Variants in PCDHGC5 observed in about 807,000 individuals in gnomAD.
PCDHGC5 encodes protocadherin gamma subfamily C, 5.
PCDHGC5 carries 25 observed loss-of-function variants against 59.0 expected under a neutral mutation model. The ratio of observed to expected loss-of-function variants is 0.42; its 90% confidence interval spans 0.31 to 0.59. The LOEUF (loss-of-function observed/expected upper bound fraction) is 0.59, where lower values mean the gene tolerates loss of function less well. Among genes scored for constraint, PCDHGC5 ranks in the 20% least tolerant of loss-of-function variants. The pLI, the probability that PCDHGC5 is intolerant of heterozygous loss-of-function variation, is 0.13. For synonymous variants in PCDHGC5, 434 were observed against 505.5 expected, an observed-to-expected ratio of 0.86 and a Z score of 1.90; for missense variants, 1,067 against 1,206.4, an observed-to-expected ratio of 0.88 and a Z score of 1.71.
chr5:141,496,795 T>C (rs886559302), intron 2 of PCDHGC5, among the ~76,000 whole-genome samples: 27 of 151,976 alleles, frequency 1.8e-4, no homozygotes, highest in Middle Eastern at 3.4e-3. Flanking sequence ...GTGCTAAACA[T>C]TGGGCTATAG....
chr5:141,510,526 A>T (rs1164238062), intron 3 of PCDHGC5, among the ~76,000 whole-genome samples: 1 of 152,156 alleles, frequency 6.6e-6, no homozygotes, highest in East Asian at 1.9e-4. Flanking sequence ...CAGCCCTGAG[A>T]GAAATACCAG....
chr5:141,500,184 T>TTTTATTTA (rs58019021), intron 2 of PCDHGC5, among the ~76,000 whole-genome samples: 1,392 of 135,954 alleles, frequency 0.01, 12 homozygotes, highest in South Asian at 0.02. Flanking sequence ...TCATTTTTAT[T>TTTTATTTA]TTTATTTATT....
Position 141,491,963 on chromosome 5 carries a change from C to A in PCDHGC5, c.2460+263C>A. ...CCCCCACCCCTACACTCAAAAAAGG[C>A]CGGGGCCTCCTTCGAGCTTCCGGTG... On this transcript the variant is annotated intron_variant, in intron 1 of 3. Coordinates refer to ENST00000252087, the MANE Select transcript of PCDHGC5 (RefSeq NM_018929.3). This position sits in a 1 kb window ranked among gnomAD's most constrained non-coding sequence, Gnocchi z 6.9. 2 of 944,828 alleles carry A rather than the reference C, an allele frequency of 2.1e-6. No homozygotes were observed. Among genetic ancestry groups the A allele is most frequent in the Non-Finnish European group, 3.0e-6 (2 of 670,874 alleles). 58.5% of individuals were successfully genotyped at this position (944,828 alleles called of 1,614,324 possible).
intron 1 of PCDHGC5, among the ~76,000 whole-genome samples, chr5:141,494,496 T>A (rs147870810): frequency 2.9e-3 from 442 of 152,264 alleles, no homozygotes; most frequent in Non-Finnish European, 4.9e-3. Flanking sequence ...ATGCCTTCAG[T>A]CCTTGAATTT....
In PCDHGC5 at chr5:141,489,664, A is replaced by C. The variant is rs745597010; in HGVS notation, c.424A>C (p.Ile142Leu). 1.9e-6 allele frequency: 3 copies of C among 1,614,224 alleles called. No individual in the cohort carries two copies. Among genetic ancestry groups the C allele is most frequent in the African/African-American group, 1.3e-5 (1 of 75,058 alleles). The change falls in exon 1 of 4, where the codon ATC becomes CTC. Residue 142 changes from isoleucine (I) to leucine (L), a missense_variant. Physicochemically the swap from Ile to Leu is conservative, Grantham distance 5. Transcript: ENST00000252087. This position sits in a 1 kb window ranked among gnomAD's most constrained non-coding sequence, Gnocchi z 4.5. ...SFATPEREMR[I>L]SESAASGARF... ...TGCCACCCCTGAGCGAGAGATGCGC[A>C]TCTCAGAATCAGCAGCATCTGGGGC... is the stretch of plus-strand genomic sequence containing the variant.
At chr5:141,510,349 C>T (rs1461596705) in intron 3 of PCDHGC5, among the ~76,000 whole-genome samples, 1 of 148,468 alleles carries the variant, frequency 6.7e-6, no homozygotes, top group Non-Finnish European at 1.5e-5. Context: ...CACACACTTA[C>T]TAACGGAACT....
At chr5:141,505,028 G>A (rs2099842951) in intron 2 of PCDHGC5, among the ~76,000 whole-genome samples, 1 of 152,164 alleles carries the variant, frequency 6.6e-6, no homozygotes, top group Admixed American at 6.5e-5. Flanking sequence ...CTGGCACAGT[G>A]GCAGGTGCCT....
intron 2 of PCDHGC5, among the ~76,000 whole-genome samples, chr5:141,497,171 C>T (rs991574648): frequency 6.6e-6 from 1 of 151,148 alleles, no homozygotes; most frequent in African/African-American, 2.5e-5. Context: ...CCACAAATCA[C>T]AGTAAGTTCT....
In PCDHGC5 at chr5:141,489,537, C is replaced by T. The variant is rs2099688580; in HGVS notation, c.297C>T (p.Ser99=). 6.2e-6 allele frequency: 10 copies of T among 1,614,118 alleles called. No homozygotes were observed. Among genetic ancestry groups the T allele is most frequent in the Non-Finnish European group, 8.5e-6 (10 of 1,180,028 alleles). ...KIDRESLCGA[S]TSCLLPVQVV... is the part of the protein sequence containing the mutation. ...ACCGAGAAAGCCTATGTGGAGCCAG[C>T]ACCAGCTGCCTGCTGCCAGTGCAGG... The change falls in exon 1 of 4, where the codon AGC becomes AGT. Residue 99 remains serine (S), a synonymous_variant. Transcript: ENST00000252087. This position sits in a 1 kb window ranked among gnomAD's most constrained non-coding sequence, Gnocchi z 4.5.
At chr5:141,510,818 A>C in intron 3 of PCDHGC5, 129 bp from the exon 4 acceptor site, 1 of 1,551,540 alleles carries the variant, frequency 6.4e-7, no homozygotes, top group Non-Finnish European at 8.7e-7. Context: ...TGACCCCTAT[A>C]TTCCCAGTGC....
In PCDHGC5 at chr5:141,490,594, C is replaced by A. The variant is rs1276468877; in HGVS notation, c.1354C>A (p.Pro452Thr). The A allele has an allele frequency of 2.5e-6, 4 of 1,614,056 alleles. No individual in the cohort carries two copies. The highest frequency in any genetic ancestry group is 1.6e-4 in the Middle Eastern group (1 of 6,084). The change falls in exon 1 of 4, where the codon CCC becomes ACC. Residue 452 changes from proline to threonine, a missense_variant. Pro to Thr is a conservative substitution (Grantham distance 38, BLOSUM62 -1). Transcript: ENST00000252087. The surrounding 1 kb of genome is among the most constrained non-coding windows in gnomAD (Gnocchi z 5.4). ...CATTTCAGATGTCAATGACAATGCA[C>A]CCCGCTTCAACCAGCAGCTTTACAC... ...LNISDVNDNA[P>T]RFNQQLYTAY... is the part of the protein sequence containing the mutation.
intron 2 of PCDHGC5, among the ~76,000 whole-genome samples, chr5:141,499,029 A>G (rs140948405): frequency 1.5e-3 from 205 of 140,068 alleles, no homozygotes; most frequent in African/African-American, 5.5e-3. Context: ...AGGAAGGAAG[A>G]AAAGAAAGAA....
chr5:141,504,790 CT>C (rs1204741124), intron 2 of PCDHGC5, among the ~76,000 whole-genome samples: 15 of 152,080 alleles, frequency 9.9e-5, no homozygotes, highest in Admixed American at 3.9e-4. Context: ...TTGGGGCCTC[CT>C]ACATCTCCCC....
At chr5:141,500,244 T>C (rs1426405294) in intron 2 of PCDHGC5, among the ~76,000 whole-genome samples, 1 of 151,640 alleles carries the variant, frequency 6.6e-6, no homozygotes, top group Non-Finnish European at 1.5e-5. Context: ...AGCCTTGCTC[T>C]GTCACCCAGG....
chr5:141,490,605 C>A lies in PCDHGC5; in HGVS notation c.1365C>A (p.Asn455Lys). Residue 455 changes from asparagine (N) to lysine (K), a missense_variant, in exon 1 of 4, where the codon AAC becomes AAA. Physicochemically the swap from Asn to Lys is moderately conservative, Grantham distance 94. Transcript: ENST00000252087. The surrounding 1 kb of genome is among the most constrained non-coding windows in gnomAD (Gnocchi z 5.4). ...SDVNDNAPRF[N>K]QQLYTAYILE... ...TCAATGACAATGCACCCCGCTTCAA[C>A]CAGCAGCTTTACACTGCTTACATCC... 6.2e-6 allele frequency: 10 copies of A among 1,614,198 alleles called. No individual in the cohort carries two copies. The highest frequency in any genetic ancestry group is 8.5e-6 in the Non-Finnish European group (10 of 1,180,030).
At position 141,491,735 on chromosome 5, in the gene PCDHGC5, G is replaced by C. The variant is rs765837152; in HGVS notation, c.2460+35G>C. ...TCGGCGCCGCCCCGGGCGACCCCTG[G>C]GGGCGGCACTGGAGAAGCCGCCCGT... On this transcript the variant is annotated intron_variant, in intron 1 of 3. Coordinates refer to ENST00000252087, the MANE Select transcript of PCDHGC5 (RefSeq NM_018929.3). The surrounding 1 kb of genome is among the most constrained non-coding windows in gnomAD (Gnocchi z 6.9). 2.5e-6 allele frequency: 4 copies of C among 1,601,968 alleles called. No homozygotes were observed. In the South Asian group the frequency reaches 4.4e-5, roughly 18 times the overall value.
intron 3 of PCDHGC5, among the ~76,000 whole-genome samples, chr5:141,510,468 A>G (rs1246106107): frequency 2.0e-5 from 3 of 152,152 alleles, no homozygotes; most frequent in Admixed American, 2.0e-4. Flanking sequence ...TGTGGGAGTC[A>G]GAGGCTCCCT....
Position 141,491,078 on chromosome 5 carries a change from C to G in PCDHGC5, c.1838C>G (p.Ser613Cys), listed in dbSNP as rs1386717886. The G allele has an allele frequency of 5.6e-6, 9 of 1,614,194 alleles. No homozygotes were observed. Among genetic ancestry groups the G allele is most frequent in the East Asian group, 4.5e-5 (2 of 44,882 alleles). ...AWLSYSLLPQ[S>C]TAPGLFLVST... is the part of the protein sequence containing the mutation. ...CTCTCCTACTCACTGTTGCCACAGTCCACAGCCCCAGGACTGTTCCTCGTG... is the reference window on the plus strand; with the variant it reads ...CTCTCCTACTCACTGTTGCCACAGTGCACAGCCCCAGGACTGTTCCTCGTG... The change falls in exon 1 of 4, where the codon TCC becomes TGC. Residue 613 changes from serine (S) to cysteine (C), a missense_variant. Transcript: ENST00000252087. This position sits in a 1 kb window ranked among gnomAD's most constrained non-coding sequence, Gnocchi z 6.9.
chr5:141,491,580 G>A lies in PCDHGC5; in HGVS notation c.2340G>A (p.Pro780=). 6.2e-7 allele frequency: 1 copy of A among 1,613,942 alleles called. No individual in the cohort carries two copies. Among genetic ancestry groups the A allele is most frequent in the Non-Finnish European group, 8.5e-7 (1 of 1,180,044 alleles). ...ACTGCTACAGGACGTGCTTTTCACC[G>A]GCCTCGGACGGCAGTGACTTCACTT... is the stretch of plus-strand genomic sequence containing the variant. ...QSHCYRTCFS[P]ASDGSDFTFL... The change falls in exon 1 of 4, where the codon CCG becomes CCA. Residue 780 remains proline (P), a synonymous_variant. Coordinates refer to ENST00000252087, the MANE Select transcript of PCDHGC5 (RefSeq NM_018929.3). The surrounding 1 kb of genome is among the most constrained non-coding windows in gnomAD (Gnocchi z 6.9).
Sources: gnomAD v4.1 joint callset for allele counts (sites outside exome capture counted in the v4.1 genomes callset) on GRCh38, gnomAD v4.1.1 for gene constraint, Gnocchi (gnomAD v3.1) non-coding constraint, MANE v1.5 for transcripts, NCBI Gene and HGNC (gene_info 2026-07-23, HGNC 2026-07-21) for gene names.